MLXIP: variants seen among roughly 807,000 people sequenced by gnomAD.
MLXIP encodes MLX interacting protein, also known as MLX-interacting protein.
MLXIP carries 30 observed loss-of-function variants against 87.2 expected under a neutral mutation model. That is an observed-to-expected ratio of 0.34 (90% CI 0.26 to 0.47). The LOEUF is 0.47. Among genes scored for constraint, MLXIP ranks in the 20% least tolerant of loss-of-function variants. The pLI, the probability that MLXIP is intolerant of heterozygous loss-of-function variation, is 1.00. For missense variants in MLXIP, 1,002 were observed against 1,240.1 expected, an observed-to-expected ratio of 0.81 and a Z score of 2.88; for synonymous variants, 530 against 514.0, an observed-to-expected ratio of 1.03 and a Z score of -0.42.
At chr12:122,118,882 A>C (rs1250510060) in intron 1 of MLXIP, among the ~76,000 whole-genome samples, 1 of 149,912 alleles carries the variant, frequency 6.7e-6, no homozygotes. Flanking sequence ...TAAAAAACAC[A>C]TGGGCTGGGC....
chr12:122,098,973 C>T (rs1388257600), intron 1 of MLXIP, among the ~76,000 whole-genome samples: 2 of 152,244 alleles, frequency 1.3e-5, no homozygotes, highest in Non-Finnish European at 2.9e-5. Flanking sequence ...CGTGGTGGCT[C>T]ACGCCTGTAA....
At chr12:122,093,158 G>C (rs1464202498) in intron 1 of MLXIP, among the ~76,000 whole-genome samples, 14 of 147,646 alleles carry the variant, frequency 9.5e-5, no homozygotes, top group African/African-American at 3.5e-4. Flanking sequence ...TTGGCGTGTA[G>C]GGTATGTAGT....
intron 1 of MLXIP, among the ~76,000 whole-genome samples, chr12:122,080,189 AG>A (rs1188077950): frequency 2.0e-5 from 3 of 152,214 alleles, no homozygotes; most frequent in Non-Finnish European, 4.4e-5. Flanking sequence ...TCTGCGCAAC[AG>A]AACTTCTTTG....
chr12:122,097,010 C>G (rs1952362760), intron 1 of MLXIP, among the ~76,000 whole-genome samples: 1 of 152,172 alleles, frequency 6.6e-6, no homozygotes, highest in Non-Finnish European at 1.5e-5. Flanking sequence ...TATTTTTTGT[C>G]AGATTGAGTC....
In MLXIP at chr12:122,134,185, CTTTTTTGT is replaced by C. The variant is rs764936646; in HGVS notation, c.1732+209_1732+216del. 20 of 663,738 alleles carry C rather than the reference CTTTTTTGT, an allele frequency of 3.0e-5. No homozygotes were observed. The African/African-American group carries it at 3.5e-4, about 12-fold the overall frequency. 41.1% of individuals were successfully genotyped at this position (663,738 alleles called of 1,614,324 possible). ...ATCTAGTCCGTTTTCTATGCTCTAT[CTTTTTTGT>C]TTTTTTGTTTGGTTTTTTTTTTTTT... On this transcript the variant is annotated intron_variant, in intron 9 of 16. Coordinates refer to ENST00000319080, the MANE Select transcript of MLXIP (RefSeq NM_014938.6).
At chr12:122,084,032 C>A (rs756910880) in intron 1 of MLXIP, among the ~76,000 whole-genome samples, 1 of 152,164 alleles carries the variant, frequency 6.6e-6, no homozygotes, top group Non-Finnish European at 1.5e-5. Flanking sequence ...CAGTCTCTCT[C>A]CTCAAGGGGC....
In MLXIP at chr12:122,130,250, A is replaced by T. The variant is rs1175245010; in HGVS notation, c.910+138A>T. The T allele has an allele frequency of 4.4e-6, 4 of 910,444 alleles. No homozygotes were observed. The African/African-American group carries it at 6.7e-5, about 15-fold the overall frequency. 56.4% of individuals were successfully genotyped at this position (910,444 alleles called of 1,614,324 possible). ...TTGGGGGCAGGCAGTAAGGAAGGGA[A>T]GGATGGCTGGCCTCATTTGACATCC... On this transcript the variant is annotated intron_variant, in intron 6 of 16. Transcript: ENST00000319080.
intron 1 of MLXIP, among the ~76,000 whole-genome samples, chr12:122,097,131 A>G (rs1025938956): frequency 3.9e-5 from 6 of 152,152 alleles, no homozygotes; most frequent in African/African-American, 1.4e-4. Flanking sequence ...TGCTCGGCAG[A>G]GGAGCTTTTG....
chr12:122,084,143 ATTGTGTGTGTGTGTGTGTGTGTGT>A (rs1248538962), intron 1 of MLXIP, among the ~76,000 whole-genome samples: 1 of 117,946 alleles, frequency 8.5e-6, no homozygotes, highest in East Asian at 2.5e-4. Flanking sequence ...TCTCAGCCAG[ATTGTGTGTGTGTGTGTGTGTGTGT>A]GTGTGTGTGT....
intron 1 of MLXIP, among the ~76,000 whole-genome samples, chr12:122,079,913 TG>T (rs1343541735): frequency 6.6e-6 from 1 of 152,198 alleles, no homozygotes; most frequent in Non-Finnish European, 1.5e-5. Context: ...AGAAGACTTT[TG>T]GTGCCACAGC....
At position 122,133,942 on chromosome 12, in the gene MLXIP, C is replaced by T. The variant is rs1224270653; in HGVS notation, c.1687C>T (p.Pro563Ser). Reference sequence around the variant, plus strand: ...CCACAAAATAGTGCCTGCTCCCAAACCAGAGCCCGTGTCCTTGGTGTTGAA... The same window carrying T: ...CCACAAAATAGTGCCTGCTCCCAAATCAGAGCCCGTGTCCTTGGTGTTGAA... Reference protein sequence around the residue: ...QPHKIVPAPKPEPVSLVLKNA... With the variant: ...QPHKIVPAPKSEPVSLVLKNA... Residue 563 changes from proline to serine, a missense_variant, in exon 9 of 17, where the codon CCA becomes TCA. This residue lies in a region of MLXIP where 746 missense variants were observed against 897.0 expected (regional missense o/e 0.83). Transcript: ENST00000319080. The surrounding 1 kb of genome is among the most constrained non-coding windows in gnomAD (Gnocchi z 4.9). 2 of 1,606,960 alleles carry T rather than the reference C, an allele frequency of 1.2e-6. No individual in the cohort carries two copies. Among genetic ancestry groups the T allele is most frequent in the Admixed American group, 1.7e-5 (1 of 59,172 alleles).
intron 1 of MLXIP, among the ~76,000 whole-genome samples, chr12:122,107,912 G>A (rs531024027): frequency 1.1e-4 from 17 of 152,184 alleles, no homozygotes; most frequent in African/African-American, 2.7e-4. Context: ...GGGGGGTTGC[G>A]GGGACACTGC....
At chr12:122,114,870 T>C (rs1177653900) in intron 1 of MLXIP, among the ~76,000 whole-genome samples, 3 of 151,642 alleles carry the variant, frequency 2.0e-5, no homozygotes, top group Admixed American at 2.0e-4. Context: ...TTCAGCCTCC[T>C]GAGTAGCTGG....
At chr12:122,138,587 C>T in intron 14 of MLXIP, 36 bp downstream of exon 14, 1 of 1,589,968 alleles carries the variant, frequency 6.3e-7, no homozygotes, top group Non-Finnish European at 8.6e-7. Context: ...AACCAGGCAC[C>T]CCATCCCGAT....
chr12:122,103,037 T>A (rs1173421809), intron 1 of MLXIP, among the ~76,000 whole-genome samples: 1 of 152,194 alleles, frequency 6.6e-6, no homozygotes, highest in Non-Finnish European at 1.5e-5. Context: ...AGGGTCTCGC[T>A]CTGTCACCCA....
At chr12:122,112,385 T>A (rs2135943793) in intron 1 of MLXIP, among the ~76,000 whole-genome samples, 1 of 152,302 alleles carries the variant, frequency 6.6e-6, no homozygotes, top group Middle Eastern at 3.4e-3. Context: ...ACGCCTGTAA[T>A]CCCAGCACTT....
At chr12:122,131,230 T>C (rs911331042) in intron 7 of MLXIP, among the ~76,000 whole-genome samples, 29 of 151,976 alleles carry the variant, frequency 1.9e-4, no homozygotes, top group Non-Finnish European at 4.0e-4. Flanking sequence ...GCCCTGCAGT[T>C]AGATGGGTCC....
chr12:122,135,455 A>G lies in MLXIP; in HGVS notation c.1855-34A>G. On this transcript the variant is annotated intron_variant, in intron 10 of 16. Transcript: ENST00000319080. This position sits in a 1 kb window ranked among gnomAD's most constrained non-coding sequence, Gnocchi z 5.3. Reference sequence around the variant, plus strand: ...GTGTGCCGCCCTGCTGTATATCAGCAGTCAGGGGTGACCTGTCTCCCATGT... The same window carrying G: ...GTGTGCCGCCCTGCTGTATATCAGCGGTCAGGGGTGACCTGTCTCCCATGT... 1 of 1,609,206 alleles carries G rather than the reference A, an allele frequency of 6.2e-7. No individual in the cohort carries two copies.
At chr12:122,121,003 A>ATG (rs1475171887) in intron 1 of MLXIP, among the ~76,000 whole-genome samples, 1 of 60,128 alleles carries the variant, frequency 1.7e-5, no homozygotes, top group African/African-American at 7.3e-5. Flanking sequence ...AGCCCTCTGC[A>ATG]TGCTTGGTTT....
Sources: gnomAD v4.1 joint callset for allele counts (sites outside exome capture counted in the v4.1 genomes callset) on GRCh38, gnomAD v4.1.1 for gene constraint, gnomAD v4.1.1 regional missense constraint, Gnocchi (gnomAD v3.1) non-coding constraint, MANE v1.5 for transcripts, NCBI Gene and HGNC (gene_info 2026-07-23, HGNC 2026-07-21) for gene names.